COL4A1: variants seen among roughly 807,000 people sequenced by gnomAD.
The protein encoded by COL4A1 is collagen type IV alpha 1 chain.
COL4A1 carries 40 observed loss-of-function variants against 216.6 expected under a neutral mutation model. That is an observed-to-expected ratio of 0.18 (90% confidence interval 0.14 to 0.24). The LOEUF is 0.24. Among genes scored for constraint, COL4A1 ranks in the 10% least tolerant of loss-of-function variants. COL4A1 has a pLI of 1.00. For missense variants in COL4A1, 1,628 were observed against 2,196.8 expected (o/e 0.74, Z 5.18); for synonymous variants, 839 against 810.7 (o/e 1.03, Z -0.59).
In COL4A1 at chr13:110,175,189, G is replaced by A. The variant is rs371638601; in HGVS notation, c.3198+29C>T. On this transcript the variant is annotated intron_variant, in intron 37 of 51. Transcript: ENST00000375820. The stretch of plus-strand genomic sequence containing the variant: ...AGCATCTCCACTGAGCTGGGAGAAG[G>A]GGACCTTTCCACGCAGAGCGCTGGT... 3.2e-5 allele frequency: 51 copies of A among 1,613,798 alleles called. No homozygotes were observed. In the East Asian group the frequency reaches 1.0e-3, roughly 33 times the overall value.
At chr13:110,178,597 T>G (rs1877996383) in intron 31 of COL4A1, among the ~76,000 whole-genome samples, 1 of 152,206 alleles carries the variant, frequency 6.6e-6, no homozygotes, top group African/African-American at 2.4e-5. Flanking sequence ...TGGACTCAAT[T>G]AGTTGAAATT....
chr13:110,166,434 CAT>C (rs1439591306), intron 44 of COL4A1, 131 bp from the exon 45 acceptor site: 18 of 739,862 alleles, frequency 2.4e-5, no homozygotes, highest in Middle Eastern at 2.5e-4. Context: ...TATACACACA[CAT>C]ATACTCATAT....
rs1415219859 is a variant in COL4A1, at chr13:110,295,261, T to TC, written c.84+11682_84+11683insG. Reference sequence around the variant, plus strand: ...CACTACATGGTTTTCTTTCTTTCTTTTTTTTTTTTTTTTTTGAGACGGAGT... The same window carrying TC: ...CACTACATGGTTTTCTTTCTTTCTTTCTTTTTTTTTTTTTTTGAGACGGAGT... On this transcript the variant is annotated intron_variant, in intron 1 of 51. Coordinates refer to ENST00000375820, the MANE Select transcript of COL4A1 (RefSeq NM_001845.6). Among the ~76,000 whole-genome samples, 385 of 99,040 alleles carry TC rather than the reference T, an allele frequency of 3.9e-3. 5 individuals carry two copies. Among genetic ancestry groups the TC allele is most frequent in the African/African-American group, 0.017 (371 of 22,370 alleles). 65.0% of individuals were successfully genotyped at this position (99,040 alleles called of 152,430 possible).
intron 2 of COL4A1, among the ~76,000 whole-genome samples, chr13:110,216,129 A>G (rs1033104904): frequency 2.6e-5 from 4 of 152,250 alleles, no homozygotes; most frequent in African/African-American, 9.6e-5. Context: ...GTCGGCCAGA[A>G]GCACAGACGT....
At chr13:110,180,052 C>A (rs1878074381) in intron 29 of COL4A1, among the ~76,000 whole-genome samples, 1 of 152,080 alleles carries the variant, frequency 6.6e-6, no homozygotes, top group African/African-American at 2.4e-5. Flanking sequence ...ACCGGTGTCC[C>A]CTGTCTGCAA....
intron 1 of COL4A1, chr13:110,299,028 C>T (rs1284751132): frequency 1.3e-5 from 2 of 152,652 alleles, no homozygotes; most frequent in Admixed American, 1.3e-4. Context: ...AACCTTCCTC[C>T]CCCGCCCATC....
In COL4A1 at chr13:110,195,142, T is replaced by A. The variant is rs533328072; in HGVS notation, c.1286-24A>T. 696 of 1,598,976 alleles carry A rather than the reference T, an allele frequency of 4.4e-4. 15 individuals are homozygous for A. The South Asian group carries it at 7.2e-3, about 16-fold the overall frequency. On this transcript the variant is annotated intron_variant, in intron 21 of 51. Transcript: ENST00000375820. Reference sequence around the variant, plus strand: ...ATCTGAAATTGAGTTGTCAGAGTTATAGGATCATAGCTAGGTGTTTTTACC... The same window carrying A: ...ATCTGAAATTGAGTTGTCAGAGTTAAAGGATCATAGCTAGGTGTTTTTACC...
chr13:110,169,692 T>C lies in COL4A1; in HGVS notation c.3813A>G (p.Pro1271=). The change falls in exon 43 of 52, where the codon CCA becomes CCG. Residue 1271 remains proline, a synonymous_variant. Transcript: ENST00000375820. ...IDGVKGDKGN[P]GWPGAPGVPG... ...GGACACCGGGTGCTCCTGGCCAGCC[T>C]GGATTTCCTTTGTCACCTTTAACTC... is the stretch of plus-strand genomic sequence containing the variant. 6.2e-7 allele frequency: 1 copy of C among 1,614,122 alleles called. No individual in the cohort carries two copies. Among genetic ancestry groups the C allele is most frequent in the South Asian group, 1.1e-5 (1 of 91,080 alleles).
At chr13:110,200,558 AG>A (rs1240958874) in intron 20 of COL4A1, among the ~76,000 whole-genome samples, 8 of 152,026 alleles carry the variant, frequency 5.3e-5, no homozygotes, top group African/African-American at 1.9e-4. Flanking sequence ...GTGGGAAAAG[AG>A]GGGGGCAGGC....
chr13:110,205,289 T>G, intron 17 of COL4A1, 64 bp downstream of exon 17: 1 of 1,592,568 alleles, frequency 6.3e-7, no homozygotes, highest in Non-Finnish European at 8.6e-7. Context: ...TAGGAAAGAA[T>G]AAACAGACTT....
At chr13:110,184,146 T>C (rs958215483) in intron 26 of COL4A1, among the ~76,000 whole-genome samples, 5 of 152,216 alleles carry the variant, frequency 3.3e-5, no homozygotes, top group Non-Finnish European at 7.3e-5. Context: ...ATCTGTTTTC[T>C]AATCTCGAAG....
intron 1 of COL4A1, chr13:110,265,193 A>C (rs1882981508): frequency 6.6e-6 from 1 of 152,258 alleles, no homozygotes; most frequent in Admixed American, 6.5e-5. Context: ...GAAAGAAAGG[A>C]TAAAGAAAGG....
chr13:110,235,506 C>T (rs1566400694), intron 2 of COL4A1, among the ~76,000 whole-genome samples: 2 of 151,930 alleles, frequency 1.3e-5, no homozygotes, highest in African/African-American at 2.4e-5. Context: ...AAAAAATTAG[C>T]CTGGCATGGT....
At chr13:110,277,569 T>C (rs1400161249) in intron 1 of COL4A1, among the ~76,000 whole-genome samples, 1 of 152,064 alleles carries the variant, frequency 6.6e-6, no homozygotes, top group African/African-American at 2.4e-5. Flanking sequence ...CTCTCAAATC[T>C]CTCGGAACTG....
chr13:110,287,264 C>T (rs1461864910), intron 1 of COL4A1, among the ~76,000 whole-genome samples: 1 of 152,168 alleles, frequency 6.6e-6, no homozygotes, highest in Non-Finnish European at 1.5e-5. Flanking sequence ...TCCTTTAGGC[C>T]GCATGACATC....
chr13:110,248,559 T>C (rs1881940652), intron 1 of COL4A1, among the ~76,000 whole-genome samples: 1 of 151,854 alleles, frequency 6.6e-6, no homozygotes, highest in African/African-American at 2.4e-5. Flanking sequence ...TGGCGCGACG[T>C]CGGCTCACCG....
Position 110,166,359 on chromosome 13 carries a change from T to C in COL4A1, c.3950-56A>G. On this transcript the variant is annotated intron_variant, in intron 44 of 51. Coordinates refer to ENST00000375820, the MANE Select transcript of COL4A1 (RefSeq NM_001845.6). The stretch of plus-strand genomic sequence containing the variant: ...CAGAATTCCCAATGATATACAAATA[T>C]GTGTGTGTATATATCTCTCTCTAGT... 5 of 1,065,934 alleles carry C rather than the reference T, an allele frequency of 4.7e-6. No individual in the cohort carries two copies. In the South Asian group the frequency reaches 5.0e-5, roughly 11 times the overall value. 66.0% of individuals were successfully genotyped at this position (1,065,934 alleles called of 1,614,324 possible). A position where few individuals can be genotyped will look rare whatever the true frequency, so the allele number is the denominator to read the frequency against.
chr13:110,173,554 A>G (rs1877741941), intron 40 of COL4A1, among the ~76,000 whole-genome samples: 1 of 152,164 alleles, frequency 6.6e-6, no homozygotes, highest in South Asian at 2.1e-4. Flanking sequence ...GGGCAAAGAA[A>G]AGAGTTTTGT....
chr13:110,277,352 C>T (rs1883469910), intron 1 of COL4A1, among the ~76,000 whole-genome samples: 1 of 151,980 alleles, frequency 6.6e-6, no homozygotes, highest in Non-Finnish European at 1.5e-5. Flanking sequence ...TCTTTATTTT[C>T]CCCAATTTGT....
Sources: gnomAD v4.1 joint callset for allele counts (sites outside exome capture counted in the v4.1 genomes callset) on GRCh38, gnomAD v4.1.1 for gene constraint, MANE v1.5 for transcripts, NCBI Gene and HGNC (gene_info 2026-07-23, HGNC 2026-07-21) for gene names.